The following LENG8 variants were observed in gnomAD, a reference collection of about 807,000 sequenced individuals.
LENG8 encodes leukocyte receptor cluster member 8, also known as leukocyte receptor cluster (LRC) member 8.
A neutral mutation model predicts 102.1 loss-of-function variants in LENG8; 28 were observed. The ratio of observed to expected loss-of-function variants is 0.27; its 90% CI spans 0.20 to 0.38. The LOEUF (loss-of-function observed/expected upper bound fraction) is 0.38. LENG8 is among the 10% of genes least tolerant of loss of function. The probability of loss-of-function intolerance (pLI) is 1.00; values close to 1 mark genes in which losing one functional copy is unlikely to be tolerated. For missense variants in LENG8, 1,022 were observed against 1,113.9 expected, an observed-to-expected ratio of 0.92 and a Z score of 1.17; for synonymous variants, 531 against 456.7, an observed-to-expected ratio of 1.16 and a Z score of -2.07.
Position 54,456,628 on chromosome 19 carries a change from C to T in LENG8, c.1446-8C>T. 1.2e-6 allele frequency: 2 copies of T among 1,605,322 alleles called. No homozygotes were observed. Among genetic ancestry groups the T allele is most frequent in the Non-Finnish European group, 8.5e-7 (1 of 1,174,978 alleles). ...CTGTCGCGCTCACTGCCCCTCATCC[C>T]TTCCTAGGCACGATCTGGCGCCCAC... On this transcript the variant is annotated splice_polypyrimidine_tract_variant and splice_region_variant and intron_variant, in intron 10 of 15. Transcript: ENST00000326764.
intron 2 of LENG8, chr19:54,451,881 G>C (rs1406186728): frequency 1.9e-6 from 1 of 519,194 alleles, no homozygotes; most frequent in Non-Finnish European, 3.4e-6. Flanking sequence ...CAGGCTCTGG[G>C]ATAAGTACCT....
Position 54,461,931 on chromosome 19 carries a change from T to A in LENG8, c.*1003T>A. 1.1e-6 allele frequency: 1 copy of A among 934,628 alleles called. No individual in the cohort carries two copies. Among genetic ancestry groups the A allele is most frequent in the Non-Finnish European group, 1.8e-6 (1 of 570,342 alleles). 57.9% of individuals were successfully genotyped at this position (934,628 alleles called of 1,614,324 possible). Reference sequence around the variant, plus strand: ...CTCCCCTTCCCCTCCTCTCCCCTCCTTTTCCTTCCTTCCTTCCTTTCCTTG... The same window carrying A: ...CTCCCCTTCCCCTCCTCTCCCCTCCATTTCCTTCCTTCCTTCCTTTCCTTG... On this transcript the variant is annotated 3_prime_UTR_variant, in exon 16 of 16. Coordinates refer to ENST00000326764, the MANE Select transcript of LENG8 (RefSeq NM_052925.4).
At chr19:54,452,461 G>A (rs1256113992) in intron 3 of LENG8, among the ~76,000 whole-genome samples, 190 bp from the exon 4 acceptor site, 1 of 152,238 alleles carries the variant, frequency 6.6e-6, no homozygotes, top group East Asian at 1.9e-4. Context: ...TTCTGAAGAG[G>A]GAGGCCATGC....
In LENG8 at chr19:54,457,054, C is replaced by A. The variant is rs572956190; in HGVS notation, c.1731+133C>A. On this transcript the variant is annotated intron_variant, in intron 11 of 15. Coordinates refer to ENST00000326764, the MANE Select transcript of LENG8 (RefSeq NM_052925.4). ...AGGGGAAGCTCGGCCAGAGACGCCT[C>A]GGCTGGTCGGCATTCTGAGAGGAGC... 1.2e-5 allele frequency: 12 copies of A among 1,040,002 alleles called. No individual in the cohort carries two copies. In the South Asian group the frequency reaches 2.0e-4, roughly 17 times the overall value. The allele number at this position is 1,040,002 out of a possible 1,614,324, so 64.4% of individuals were successfully genotyped here.
Position 54,457,985 on chromosome 19 carries a change from C to G in LENG8, c.1885C>G (p.Arg629Gly), listed in dbSNP as rs748948838. ...FTVEVYETHA[R>G]IALEKGDHEE... ...GGTGGAGGTGTACGAGACCCATGCCCGGATCGCCTTGGAGAAGGTGAGCTG... is the reference window on the plus strand; with the variant it reads ...GGTGGAGGTGTACGAGACCCATGCCGGGATCGCCTTGGAGAAGGTGAGCTG... The change falls in exon 13 of 16, where the codon CGG (arginine) becomes GGG (glycine). Residue 629 changes from arginine to glycine, a missense_variant. By Grantham distance (125) the Arg-to-Gly change is moderately radical. This residue lies in a region of LENG8 where 158 missense variants were observed against 229.0 expected (regional missense o/e 0.69). Coordinates refer to ENST00000326764, the MANE Select transcript of LENG8 (RefSeq NM_052925.4). The G allele has an allele frequency of 1.9e-6, 3 of 1,613,572 alleles. No homozygotes were observed. Among genetic ancestry groups the G allele is most frequent in the Non-Finnish European group, 2.5e-6 (3 of 1,180,044 alleles).
intron 7 of LENG8, 88 bp from the exon 8 acceptor site, chr19:54,455,276 C>T: frequency 6.5e-7 from 1 of 1,529,726 alleles, no homozygotes; most frequent in Admixed American, 1.7e-5. Context: ...GGGACTGCGT[C>T]CCGCTGTGTC....
In LENG8 at chr19:54,456,623, C is replaced by T. The variant is rs1198363800; in HGVS notation, c.1446-13C>T. 6.2e-7 allele frequency: 1 copy of T among 1,602,308 alleles called. No homozygotes were observed. Among genetic ancestry groups the T allele is most frequent in the Middle Eastern group, 1.7e-4 (1 of 6,024 alleles). On this transcript the variant is annotated splice_polypyrimidine_tract_variant and intron_variant, in intron 10 of 15. Transcript: ENST00000326764. Reference sequence around the variant, plus strand: ...GACGCCTGTCGCGCTCACTGCCCCTCATCCCTTCCTAGGCACGATCTGGCG... The same window carrying T: ...GACGCCTGTCGCGCTCACTGCCCCTTATCCCTTCCTAGGCACGATCTGGCG...
chr19:54,461,622 T>TA lies in LENG8; in HGVS notation c.*694_*695insA. On this transcript the variant is annotated 3_prime_UTR_variant, in exon 16 of 16. Coordinates refer to ENST00000326764, the MANE Select transcript of LENG8 (RefSeq NM_052925.4). ...CCTCTGCCCCCAGTGTTTCTTCTGA[T>TA]TTTTTTTTCCCCTTTCCCTCCCTCC... The TA allele has an allele frequency of 2.1e-6, 1 of 472,652 alleles. No homozygotes were observed. The highest frequency in any genetic ancestry group is 4.4e-6 in the Non-Finnish European group (1 of 228,380). 29.3% of individuals were successfully genotyped at this position (472,652 alleles called of 1,614,324 possible).
chr19:54,457,201 G>C (rs753543723), intron 11 of LENG8, among the ~76,000 whole-genome samples: 16 of 152,260 alleles, frequency 1.1e-4, no homozygotes, highest in Non-Finnish European at 2.2e-4. Flanking sequence ...CCTTCTCCCA[G>C]GCCCGTGGGC....
Position 54,461,745 on chromosome 19 carries a change from TC to T in LENG8, c.*818del. The T allele has an allele frequency of 1.9e-6, 1 of 530,652 alleles. No individual in the cohort carries two copies. The highest frequency in any genetic ancestry group is 1.5e-5 in the South Asian group (1 of 65,034). 32.9% of individuals were successfully genotyped at this position (530,652 alleles called of 1,614,324 possible). ...GCTCACGTCATGTTGCCTTCTCTTT[TC>T]TTTGTGTGTGTGTTTATTTAAGTTA... On this transcript the variant is annotated 3_prime_UTR_variant, in exon 16 of 16. Coordinates refer to ENST00000326764, the MANE Select transcript of LENG8 (RefSeq NM_052925.4).
chr19:54,455,895 G>A, intron 8 of LENG8, 72 bp from the exon 9 acceptor site: 6 of 1,509,868 alleles, frequency 4.0e-6, no homozygotes, highest in Non-Finnish European at 5.4e-6. Flanking sequence ...TCGGTACCTT[G>A]AGGGAGGTGG....
Position 54,458,498 on chromosome 19 carries a change from C to T in LENG8, c.2217C>T (p.Val739=), listed in dbSNP as rs755155176. Residue 739 remains valine (V), a synonymous_variant, in exon 15 of 16, where the codon GTC becomes GTT. Coordinates refer to ENST00000326764, the MANE Select transcript of LENG8 (RefSeq NM_052925.4). ...VDKFADRERK[V]ALKAMIKTFR... The stretch of plus-strand genomic sequence containing the variant: ...AGTTTGCAGATCGGGAGCGCAAGGT[C>T]GCCCTCAAGGCCATGATCAAAACGT... 3.7e-6 allele frequency: 6 copies of T among 1,614,242 alleles called. No individual in the cohort carries two copies. The highest frequency in any genetic ancestry group is 5.1e-6 in the Non-Finnish European group (6 of 1,180,048).
In LENG8 at chr19:54,460,857, C is replaced by G. The variant is rs572428705; in HGVS notation, c.2332C>G (p.Leu778Val). 1.3e-6 allele frequency: 2 copies of G among 1,567,428 alleles called. No individual in the cohort carries two copies. Among genetic ancestry groups the G allele is most frequent in the East Asian group, 2.4e-5 (1 of 41,878 alleles). Residue 778 changes from leucine (L) to valine (V), a missense_variant, in exon 16 of 16, where the codon CTG (leucine) becomes GTG (valine). This residue lies in a region of LENG8 where 129 missense variants were observed against 123.0 expected (regional missense o/e 1.05). Coordinates refer to ENST00000326764, the MANE Select transcript of LENG8 (RefSeq NM_052925.4). ...ACRAFLEPLG[L>V]AYTGPDNSSI... The stretch of plus-strand genomic sequence containing the variant: ...CCGGGCCTTCCTAGAGCCCCTGGGC[C>G]TGGCCTACACGGGCCCGGACAACTC...
intron 8 of LENG8, 60 bp from the exon 9 acceptor site, chr19:54,455,907 G>A: frequency 1.9e-6 from 3 of 1,539,290 alleles, no homozygotes; most frequent in Non-Finnish European, 1.8e-6. Flanking sequence ...GGGAGGTGGT[G>A]GCGGCTGTCC....
intron 15 of LENG8, chr19:54,459,735 A>C: frequency 9.4e-7 from 1 of 1,062,160 alleles, no homozygotes; most frequent in Non-Finnish European, 1.1e-6. Context: ...GTGTGGGTCA[A>C]GCCAACTTCA....
At chr19:54,450,042 C>T (rs544892429) in intron 1 of LENG8, among the ~76,000 whole-genome samples, 2 of 152,190 alleles carry the variant, frequency 1.3e-5, no homozygotes, top group African/African-American at 4.8e-5. Flanking sequence ...TTATCAGTTA[C>T]TCCCTCTCGG....
At chr19:54,457,380 G>A (rs1003350249) in intron 11 of LENG8, among the ~76,000 whole-genome samples, 6 of 152,148 alleles carry the variant, frequency 3.9e-5, no homozygotes, top group African/African-American at 1.4e-4. Context: ...TGGCTCTGTC[G>A]CCCAAGCTGG....
intron 2 of LENG8, 54 bp from the exon 3 acceptor site, chr19:54,452,039 C>A: frequency 2.0e-6 from 3 of 1,530,040 alleles, no homozygotes; most frequent in Non-Finnish European, 2.7e-6. Context: ...CCAACTTGCC[C>A]ACCTGTGTAC....
At position 54,455,107 on chromosome 19, in the gene LENG8, C is replaced by T. The variant is rs1414666914; in HGVS notation, c.821+15C>T. The T allele has an allele frequency of 6.2e-7, 1 of 1,614,068 alleles. No homozygotes were observed. Among genetic ancestry groups the T allele is most frequent in the African/African-American group, 1.3e-5 (1 of 75,056 alleles). On this transcript the variant is annotated intron_variant, in intron 7 of 15. Coordinates refer to ENST00000326764, the MANE Select transcript of LENG8 (RefSeq NM_052925.4). ...CAGAACCACAGGTGACGTCTGCCCC[C>T]TTGCCCCGTCGCAGCCCCACACTCT...
Sources: gnomAD v4.1 joint callset for allele counts (sites outside exome capture counted in the v4.1 genomes callset) on GRCh38, gnomAD v4.1.1 for gene constraint, gnomAD v4.1.1 regional missense constraint, MANE v1.5 for transcripts, NCBI Gene and HGNC (gene_info 2026-07-23, HGNC 2026-07-21) for gene names.